RPE: variants seen among roughly 807,000 people sequenced by gnomAD.
The protein encoded by RPE is ribulose-phosphate 3-epimerase.
A neutral mutation model predicts 24.6 loss-of-function variants in RPE; 16 were observed. The observed-to-expected ratio is 0.65, with a 90% CI of 0.44 to 0.99. RPE has a LOEUF of 0.99. Ranked by LOEUF, RPE falls within the 50% of genes least tolerant of loss-of-function variation. The probability of loss-of-function intolerance (pLI) is 0.00; values close to 1 mark genes in which losing one functional copy is unlikely to be tolerated. For synonymous variants in RPE, 93 were observed against 98.4 expected (o/e 0.94, Z 0.33); for missense variants, 240 against 294.5 (o/e 0.81, Z 1.35).
chr2:210,009,864 G>A, intron 2 of RPE, 128 bp downstream of exon 2: 1 of 1,244,498 alleles, frequency 8.0e-7, no homozygotes, highest in Non-Finnish European at 1.2e-6. Context: ...GTCTTCATTG[G>A]CCTGACTCCA....
rs561241245 is a variant in RPE, at chr2:210,017,517, C to G, written c.522C>G (p.Val174=). 6.3e-7 allele frequency: 1 copy of G among 1,579,312 alleles called. No individual in the cohort carries two copies. Residue 174 remains valine, a synonymous_variant, in exon 5 of 6, where the codon GTC becomes GTG. Transcript: ENST00000359429. ...RTQFPSLDIE[V]DGGVGPDTVH... is the part of the protein sequence containing the mutation. ...AGTTCCCATCTTTGGATATAGAGGT[C>G]GATGGTGGAGTAGGTCCTGACACTG...
chr2:210,017,373 A>C, intron 4 of RPE, 100 bp from the exon 5 acceptor site: 1 of 865,958 alleles, frequency 1.2e-6, no homozygotes, highest in Non-Finnish European at 1.9e-6. Flanking sequence ...TTTAATTGCT[A>C]ATATTTGCTG....
intron 1 of RPE, among the ~76,000 whole-genome samples, chr2:210,004,319 A>C (rs1441079626): frequency 2.6e-5 from 4 of 152,250 alleles, no homozygotes; most frequent in Non-Finnish European, 5.9e-5. Flanking sequence ...GTTTATGAGC[A>C]CTTGACTGTT....
At chr2:210,003,394 C>T (rs1336666246) in intron 1 of RPE, 20 of 1,179,440 alleles carry the variant, frequency 1.7e-5, no homozygotes, top group Non-Finnish European at 2.1e-5. Flanking sequence ...TTGTTAATTA[C>T]ATCATTATTA....
In RPE at chr2:210,002,789, T is replaced by G; in HGVS notation, c.122+6T>G. 1 of 1,614,040 alleles carries G rather than the reference T, an allele frequency of 6.2e-7. No homozygotes were observed. Among genetic ancestry groups the G allele is most frequent in the Non-Finnish European group, 8.5e-7 (1 of 1,179,978 alleles). Reference sequence around the variant, plus strand: ...CACCTGGACGTAATGGACGGGTAACTCCTCCGGGCTCCGGTCGGGCTTGCC... The same window carrying G: ...CACCTGGACGTAATGGACGGGTAACGCCTCCGGGCTCCGGTCGGGCTTGCC... On this transcript the variant is annotated splice_donor_region_variant and intron_variant, in intron 1 of 5. Transcript: ENST00000359429.
intron 2 of RPE, among the ~76,000 whole-genome samples, chr2:210,014,368 C>T (rs1363050578): frequency 1.3e-5 from 2 of 152,146 alleles, no homozygotes; most frequent in East Asian, 1.9e-4. Context: ...GGGTTACAGG[C>T]GTGAGCCACC....
At chr2:210,018,634 A>C in intron 5 of RPE, 2 of 985,328 alleles carry the variant, frequency 2.0e-6, no homozygotes, top group Non-Finnish European at 2.4e-6. Flanking sequence ...GAGTGAGCTC[A>C]TATCCTTTTG....
intron 3 of RPE, 78 bp from the exon 4 acceptor site, chr2:210,016,429 T>A: frequency 6.3e-7 from 1 of 1,597,392 alleles, no homozygotes; most frequent in Non-Finnish European, 8.5e-7. Context: ...CAGATATTTC[T>A]ACTGGGCCTG....
chr2:210,010,735 T>A (rs973219632), intron 2 of RPE, among the ~76,000 whole-genome samples: 2 of 152,118 alleles, frequency 1.3e-5, no homozygotes. Context: ...ATGGCCAACA[T>A]GGTGAAACCC....
intron 1 of RPE, among the ~76,000 whole-genome samples, chr2:210,008,799 G>A (rs2093664828): frequency 6.6e-6 from 1 of 151,884 alleles, no homozygotes; most frequent in African/African-American, 2.4e-5. Context: ...AGATTCAAAC[G>A]ATTCTCCTGC....
At chr2:210,016,210 T>C in intron 3 of RPE, 98 bp downstream of exon 3, 1 of 1,614,088 alleles carries the variant, frequency 6.2e-7, no homozygotes, top group South Asian at 1.1e-5. Flanking sequence ...ACAGTCTTGC[T>C]CTGTCACCCA....
At chr2:210,015,863 G>C (rs2093764004) in intron 2 of RPE, 110 bp from the exon 3 acceptor site, 1 of 1,050,206 alleles carries the variant, frequency 9.5e-7, no homozygotes, top group Admixed American at 2.5e-5. Context: ...TGATTTGTGT[G>C]ATGGCCAAAG....
At position 210,002,848 on chromosome 2, in the gene RPE, C is replaced by G. The variant is rs73063905; in HGVS notation, c.122+65C>G. ...GGGCGGATCAGTGCACCTTTATTGACTGCTTGTTGGATGTACCGCGTCCCT... is the reference window on the plus strand; with the variant it reads ...GGGCGGATCAGTGCACCTTTATTGAGTGCTTGTTGGATGTACCGCGTCCCT... On this transcript the variant is annotated intron_variant, in intron 1 of 5. Coordinates refer to ENST00000359429, the MANE Select transcript of RPE (RefSeq NM_199229.3). The G allele has an allele frequency of 8.4e-3, 13,482 of 1,612,670 alleles. 896 individuals carry two copies. In the African/African-American group the frequency reaches 0.15, roughly 18 times the overall value.
At chr2:210,011,121 G>A (rs1263287763) in intron 2 of RPE, among the ~76,000 whole-genome samples, 1 of 152,016 alleles carries the variant, frequency 6.6e-6, no homozygotes, top group Non-Finnish European at 1.5e-5. Flanking sequence ...CAAAGAAAAT[G>A]TACATTATTA....
chr2:210,013,491 T>C (rs562584945), intron 2 of RPE, among the ~76,000 whole-genome samples: 17 of 152,146 alleles, frequency 1.1e-4, no homozygotes, highest in Admixed American at 9.2e-4. Flanking sequence ...AATTATTCTG[T>C]TGTTGTTGAG....
At chr2:210,012,730 T>C (rs1435389925) in intron 2 of RPE, among the ~76,000 whole-genome samples, 1 of 152,260 alleles carries the variant, frequency 6.6e-6, no homozygotes, top group Non-Finnish European at 1.5e-5. Flanking sequence ...CAAGGAAAGA[T>C]ACCTTGTCAG....
chr2:210,009,270 A>C (rs893187607), intron 1 of RPE, among the ~76,000 whole-genome samples: 5 of 152,228 alleles, frequency 3.3e-5, no homozygotes, highest in Admixed American at 2.0e-4. Flanking sequence ...GATTAGAAGT[A>C]GCCACAGGCC....
At chr2:210,013,643 A>G (rs1021221464) in intron 2 of RPE, among the ~76,000 whole-genome samples, 1 of 152,114 alleles carries the variant, frequency 6.6e-6, no homozygotes, top group Non-Finnish European at 1.5e-5. Flanking sequence ...TGAATTTCTC[A>G]TACATTAAAT....
chr2:210,012,651 A>G (rs1055240722), intron 2 of RPE, among the ~76,000 whole-genome samples: 2 of 152,246 alleles, frequency 1.3e-5, no homozygotes, highest in African/African-American at 4.8e-5. Flanking sequence ...TGACAGATCA[A>G]CTATGGTTTT....
Sources: allele counts gnomAD v4.1 joint callset (sites outside exome capture counted in the v4.1 genomes callset), GRCh38; gene constraint gnomAD v4.1.1; transcripts MANE v1.5; gene names NCBI Gene and HGNC (gene_info 2026-07-23, HGNC 2026-07-21).